Variants in SLC44A5 observed in about 807,000 individuals in gnomAD.
SLC44A5 encodes the protein choline transporter-like protein 5.
SLC44A5 carries 57 observed loss-of-function variants against 101.8 expected under a neutral mutation model. The observed-to-expected ratio is 0.56, with a 90% CI of 0.45 to 0.70. SLC44A5 has a LOEUF of 0.70. Ranked by LOEUF, SLC44A5 falls within the 30% of genes least tolerant of loss-of-function variation. The pLI, the probability that SLC44A5 is intolerant of heterozygous loss-of-function variation, is 0.00. For missense variants in SLC44A5, 737 were observed against 853.1 expected, an observed-to-expected ratio of 0.86 and a Z score of 1.70; for synonymous variants, 281 against 290.9, an observed-to-expected ratio of 0.97 and a Z score of 0.35.
In SLC44A5 at chr1:75,270,424, G is replaced by A. The variant is rs186254955; in HGVS notation, c.260+4534C>T. The stretch of plus-strand genomic sequence containing the variant: ...TAGTAATTGTTTTAGAAATCAGAGA[G>A]GAAATGGGTATATTATTCAACAAAC... On this transcript the variant is annotated intron_variant, in intron 6 of 23. Transcript: ENST00000370859. 6.4e-4 allele frequency among the ~76,000 whole-genome samples: 98 copies of A among 152,010 alleles called. 1 individual carries two copies. The highest frequency in any genetic ancestry group is 2.2e-3 in the African/African-American group (91 of 41,482).
intron 1 of SLC44A5, among the ~76,000 whole-genome samples, chr1:75,577,087 T>A (rs1570655993): frequency 6.6e-6 from 1 of 152,174 alleles, no homozygotes; most frequent in Non-Finnish European, 1.5e-5. Context: ...TCAGACACCA[T>A]ATCCTGTTGG....
intron 2 of SLC44A5, among the ~76,000 whole-genome samples, chr1:75,495,192 A>G (rs1021400514): frequency 6.6e-5 from 10 of 152,248 alleles, no homozygotes; most frequent in African/African-American, 2.2e-4. Context: ...GCAGTGGCTC[A>G]TGCCTATAAT....
the SLC44A5 span, among the ~76,000 whole-genome samples, chr1:75,678,150 G>T: frequency 2.0e-5 from 3 of 152,184 alleles, no homozygotes; most frequent in Admixed American, 6.5e-5. Context: ...ACAGCAGTCT[G>T]AGATCAAACT....
chr1:75,208,422 G>C (rs1400856202), intron 23 of SLC44A5, among the ~76,000 whole-genome samples: 2 of 152,178 alleles, frequency 1.3e-5, no homozygotes, highest in Non-Finnish European at 2.9e-5. Context: ...GCCTCCCAAA[G>C]TGTTGGGATT....
intron 1 of SLC44A5, among the ~76,000 whole-genome samples, chr1:75,585,246 T>C (rs940175511): frequency 6.6e-6 from 1 of 152,242 alleles, no homozygotes; most frequent in Non-Finnish European, 1.5e-5. Context: ...AAACACACTT[T>C]TTTCTGGTAG....
At chr1:75,234,571 A>T (rs969820949) in intron 11 of SLC44A5, among the ~76,000 whole-genome samples, 1 of 152,032 alleles carries the variant, frequency 6.6e-6, no homozygotes, top group Non-Finnish European at 1.5e-5. Context: ...GGGCAGAAAG[A>T]TAAGAAAAAT....
At chr1:75,276,242 C>A (rs1042044730) in intron 5 of SLC44A5, among the ~76,000 whole-genome samples, 9 of 152,068 alleles carry the variant, frequency 5.9e-5, no homozygotes, top group Non-Finnish European at 1.3e-4. Flanking sequence ...CCGTATCTTC[C>A]CGTCTCTATT....
chr1:75,630,263 G>A, the SLC44A5 span, among the ~76,000 whole-genome samples: 1 of 152,134 alleles, frequency 6.6e-6, no homozygotes, highest in Non-Finnish European at 1.5e-5. Flanking sequence ...CTGTCTGCCT[G>A]CTGGATTTCT....
At chr1:75,642,561 G>C in the SLC44A5 span, among the ~76,000 whole-genome samples, 2 of 148,984 alleles carry the variant, frequency 1.3e-5, no homozygotes, top group African/African-American at 5.2e-5. Flanking sequence ...TTGACTTATA[G>C]AGACGAATAA....
chr1:75,532,987 AAC>A lies in SLC44A5; in HGVS notation c.13+8446_13+8447del, dbSNP rs533616634. On this transcript the variant is annotated intron_variant, in intron 2 of 23. Transcript: ENST00000370859. ...TAGCAATCTAAACTTTCCTTATTGA[AAC>A]AGTTTCTACTTCTTGTTCATCGCCA... Among the ~76,000 whole-genome samples, 5 of 152,344 alleles carry A rather than the reference AAC, an allele frequency of 3.3e-5. No individual in the cohort carries two copies. The South Asian group carries it at 1.0e-3, about 32-fold the overall frequency.
At chr1:75,631,585 C>T in the SLC44A5 span, among the ~76,000 whole-genome samples, 1 of 120,354 alleles carries the variant, frequency 8.3e-6, no homozygotes, top group Non-Finnish European at 1.6e-5. Context: ...TTTGCTCTGT[C>T]ACCCAGGCTG....
At chr1:75,720,021 CCTCT>C in the SLC44A5 span, among the ~76,000 whole-genome samples, 1 of 152,108 alleles carries the variant, frequency 6.6e-6, no homozygotes, top group Non-Finnish European at 1.5e-5. Flanking sequence ...TAAGATTTCC[CCTCT>C]CTCTATTGTT....
rs115768411 is a variant in SLC44A5, at chr1:75,367,554, T to C, written c.53-27924A>G. ...GGATCATGGCTCAGAGGACCTGGAGTTGGGTCACATACTGCTTCAGAGTCC... is the reference window on the plus strand; with the variant it reads ...GGATCATGGCTCAGAGGACCTGGAGCTGGGTCACATACTGCTTCAGAGTCC... On this transcript the variant is annotated intron_variant, in intron 3 of 23. Transcript: ENST00000370859. Among the ~76,000 whole-genome samples the C allele has an allele frequency of 2.4e-3, 369 of 152,106 alleles. 3 individuals are homozygous for C. Among genetic ancestry groups the C allele is most frequent in the African/African-American group, 8.6e-3 (355 of 41,476 alleles).
intron 3 of SLC44A5, among the ~76,000 whole-genome samples, chr1:75,345,876 C>T (rs915713556): frequency 7.9e-5 from 12 of 152,076 alleles, no homozygotes; most frequent in African/African-American, 2.9e-4. Flanking sequence ...AAAGTTAAGG[C>T]AGATGAATCA....
At chr1:75,395,478 A>G (rs1026073113) in intron 3 of SLC44A5, among the ~76,000 whole-genome samples, 22 of 152,290 alleles carry the variant, frequency 1.4e-4, no homozygotes, top group South Asian at 1.2e-3. Flanking sequence ...TTATATGATC[A>G]TATATGATTA....
intron 4 of SLC44A5, among the ~76,000 whole-genome samples, chr1:75,329,132 G>A (rs1427273453): frequency 2.0e-5 from 3 of 152,140 alleles, no homozygotes; most frequent in African/African-American, 7.2e-5. Flanking sequence ...TAAAGGAAGA[G>A]TTAAAAATAA....
At chr1:75,697,038 A>G in the SLC44A5 span, among the ~76,000 whole-genome samples, 1 of 152,346 alleles carries the variant, frequency 6.6e-6, no homozygotes, top group East Asian at 1.9e-4. Flanking sequence ...GTGATGGTGT[A>G]TGCATTTGTC....
the SLC44A5 span, chr1:75,710,093 T>A: frequency 6.6e-6 from 1 of 152,142 alleles, no homozygotes; most frequent in Non-Finnish European, 1.5e-5. Flanking sequence ...GGAACAGGAA[T>A]GAAGGAAGGA....
chr1:75,551,986 C>A (rs890708393), intron 1 of SLC44A5, among the ~76,000 whole-genome samples: 3 of 152,040 alleles, frequency 2.0e-5, no homozygotes, highest in Non-Finnish European at 4.4e-5. Context: ...TGAAAAATTT[C>A]TTTTTTAGTG....
Sources: gnomAD v4.1 joint callset for allele counts (sites outside exome capture counted in the v4.1 genomes callset) on GRCh38, gnomAD v4.1.1 for gene constraint, MANE v1.5 for transcripts, NCBI Gene and HGNC (gene_info 2026-07-23, HGNC 2026-07-21) for gene names.